Variants in OR6J1 observed in about 807,000 individuals in gnomAD.
OR6J1 encodes olfactory receptor 6J1.
For synonymous variants in OR6J1, 109 were observed against 70.0 expected (o/e 1.56, Z -2.78); for missense variants, 304 against 166.8 (o/e 1.82, Z -4.53).
At chr14:22,643,764 C>CACAGAGAGAGAGAGAGAGAG (rs1466950724) in intron 1 of OR6J1, among the ~76,000 whole-genome samples, 7 of 37,694 alleles carry the variant, frequency 1.9e-4, no homozygotes, top group Admixed American at 1.2e-3. Context: ...CACACACACA[C>CACAGAGAGAGAGAGAGAGAG]AGAGAGAGAG....
At chr14:22,641,572 A>G (rs2037653343) in intron 1 of OR6J1, among the ~76,000 whole-genome samples, 1 of 147,708 alleles carries the variant, frequency 6.8e-6, no homozygotes, top group Non-Finnish European at 1.5e-5. Context: ...AAGAAAAAAG[A>G]AAGAAGGAAA....
At chr14:22,636,746 C>T (rs2037589893) in intron 1 of OR6J1, among the ~76,000 whole-genome samples, 2 of 117,050 alleles carry the variant, frequency 1.7e-5, no homozygotes, top group African/African-American at 9.6e-5. Flanking sequence ...AGTGCAGTGG[C>T]GTGATCTCGG....
chr14:22,643,481 T>C (rs1435823325), intron 1 of OR6J1, among the ~76,000 whole-genome samples: 2 of 149,846 alleles, frequency 1.3e-5, no homozygotes, highest in African/African-American at 4.9e-5. Flanking sequence ...TTTTTTGTAG[T>C]GATAGGGGTT....
rs1480570131 is a variant in OR6J1 at position 22,638,515 on chromosome 14, C to A, written c.-27-3677G>T. ...TAAGTACCCAGGGACACAAACACTG[C>A]GGAAGGCCGCAGGGTCCTCTGCCTA... On this transcript the variant is annotated intron_variant, in intron 1 of 1. Transcript: ENST00000540461. 1.4e-4 allele frequency among the ~76,000 whole-genome samples: 13 copies of A among 92,740 alleles called. No individual in the cohort carries two copies. In the South Asian group the frequency reaches 3.6e-3, roughly 26 times the overall value. 60.8% of individuals were successfully genotyped at this position (92,740 alleles called of 152,430 possible). A position where few individuals can be genotyped will look rare whatever the true frequency, so the allele number is the denominator to read the frequency against.
In OR6J1 at chr14:22,641,429, AAG is replaced by A. The variant is rs1451366502; in HGVS notation, c.-28+2667_-28+2668del. 2.1e-4 allele frequency among the ~76,000 whole-genome samples: 18 copies of A among 84,640 alleles called. 1 individual carries two copies. The South Asian group carries it at 7.3e-3, about 34-fold the overall frequency. 55.5% of individuals were successfully genotyped at this position (84,640 alleles called of 152,430 possible). On this transcript the variant is annotated intron_variant, in intron 1 of 1. Transcript: ENST00000540461. ...AGGATGGAAGGAAGGAAGAGAAAGA[AAG>A]AAAGAATGAAAGAGAGAGAAAGAAA...
chr14:22,643,764 C>CACACAGAGAG (rs1466950724), intron 1 of OR6J1, among the ~76,000 whole-genome samples: 143 of 37,672 alleles, frequency 3.8e-3, no homozygotes, highest in South Asian at 7.0e-3. Flanking sequence ...CACACACACA[C>CACACAGAGAG]AGAGAGAGAG....
intron 1 of OR6J1, among the ~76,000 whole-genome samples, chr14:22,636,226 C>G (rs1204386529): frequency 1.4e-3 from 1 of 728 alleles, no homozygotes; most frequent in Non-Finnish European, 2.9e-3. Flanking sequence ...GACACTAGCG[C>G]CCTCTCCCTC....
chr14:22,638,304 AC>A, intron 1 of OR6J1, among the ~76,000 whole-genome samples: 1 of 54,104 alleles, frequency 1.8e-5, no homozygotes, highest in East Asian at 4.0e-4. Flanking sequence ...TTTGTTCTGT[AC>A]TAAGAAAAAT....
At chr14:22,639,767 A>G (rs1311408926) in intron 1 of OR6J1, among the ~76,000 whole-genome samples, 5 of 120,954 alleles carry the variant, frequency 4.1e-5, no homozygotes, top group East Asian at 4.3e-4. Flanking sequence ...GTGCTTTGTT[A>G]AACAGATGCT....
intron 1 of OR6J1, among the ~76,000 whole-genome samples, chr14:22,641,217 GAA>G (rs1343261576): frequency 5.9e-4 from 11 of 18,568 alleles, no homozygotes; most frequent in African/African-American, 1.8e-3. Context: ...AGATAAGAAA[GAA>G]AGAAAGAAAG....
chr14:22,633,415 G>C lies in OR6J1; in HGVS notation c.*353C>G. On this transcript the variant is annotated 3_prime_UTR_variant, in exon 2 of 2. Transcript: ENST00000540461. ...GAGGATGGAAAGAAAGAGGGTCCGT[G>C]CAGAGAAGTTCAGGAAGGACTTCGT... 1 of 215,852 alleles carries C rather than the reference G, an allele frequency of 4.6e-6. No individual in the cohort carries two copies. The highest frequency in any genetic ancestry group is 5.1e-5 in the Admixed American group (1 of 19,700). The allele number at this position is 215,852 out of a possible 1,614,324, so 13.4% of individuals were successfully genotyped here.
chr14:22,636,982 C>A (rs1424584913), intron 1 of OR6J1, among the ~76,000 whole-genome samples: 2 of 126,892 alleles, frequency 1.6e-5, no homozygotes, highest in African/African-American at 7.9e-5. Context: ...CGCCTCTTCC[C>A]GGCCGCCTTC....
chr14:22,633,412 C>T lies in OR6J1; in HGVS notation c.*356G>A, dbSNP rs1681594. 0.22 allele frequency: 43,719 copies of T among 197,436 alleles called. 5,281 individuals carry two copies. Among genetic ancestry groups the T allele is most frequent in the African/African-American group, 0.32 (13,757 of 42,804 alleles). 12.2% of individuals were successfully genotyped at this position (197,436 alleles called of 1,614,324 possible). A position where few individuals can be genotyped will look rare whatever the true frequency, so the allele number is the denominator to read the frequency against. On this transcript the variant is annotated 3_prime_UTR_variant, in exon 2 of 2. Transcript: ENST00000540461. Reference sequence around the variant, plus strand: ...GCAGAGGATGGAAAGAAAGAGGGTCCGTGCAGAGAAGTTCAGGAAGGACTT... The same window carrying T: ...GCAGAGGATGGAAAGAAAGAGGGTCTGTGCAGAGAAGTTCAGGAAGGACTT...
intron 1 of OR6J1, among the ~76,000 whole-genome samples, chr14:22,636,629 T>C (rs2037588825): frequency 1.7e-5 from 2 of 116,198 alleles, no homozygotes. Flanking sequence ...TTGGCCGGGC[T>C]GGTCTCCAGC....
intron 1 of OR6J1, among the ~76,000 whole-genome samples, chr14:22,635,738 C>T (rs1195868885): frequency 6.6e-6 from 1 of 152,144 alleles, no homozygotes; most frequent in Non-Finnish European, 1.5e-5. Flanking sequence ...GCTGCTTGTC[C>T]ATAGGGGAAA....
In OR6J1 at chr14:22,634,750, T is replaced by G. The variant is rs1412883324; in HGVS notation, c.62A>C (p.Glu21Ala). ...GAGCACCAGGAGCAGCAGCTCCACC[T>G]CCCTGCTCAGGGAAAACCCCAGCAG... ...FVLLGFSLSR[E>A]VELLLLVLLL... Residue 21 changes from glutamate (E) to alanine (A), a missense_variant, in exon 2 of 2, where the codon GAG becomes GCG. Coordinates refer to ENST00000540461, the MANE Select transcript of OR6J1 (RefSeq NM_001348233.2). 2 of 705,468 alleles carry G rather than the reference T, an allele frequency of 2.8e-6. No individual in the cohort carries two copies. Among genetic ancestry groups the G allele is most frequent in the African/African-American group, 3.5e-5 (2 of 57,272 alleles). 43.7% of individuals were successfully genotyped at this position (705,468 alleles called of 1,614,324 possible). A position where few individuals can be genotyped will look rare whatever the true frequency, so the allele number is the denominator to read the frequency against.
intron 1 of OR6J1, among the ~76,000 whole-genome samples, chr14:22,639,244 G>GC (rs1161852713): frequency 4.0e-5 from 5 of 125,084 alleles, no homozygotes; most frequent in African/African-American, 1.6e-4. Flanking sequence ...TGGGGGGTCA[G>GC]CCCCCCGCCA....
In OR6J1 at chr14:22,639,970, A is replaced by G. The variant is rs1273644969; in HGVS notation, c.-28+4128T>C. Among the ~76,000 whole-genome samples the G allele has an allele frequency of 2.0e-4, 25 of 123,868 alleles. 6 individuals carry two copies. The highest frequency in any genetic ancestry group is 3.9e-4 in the Non-Finnish European group (22 of 56,378). The allele number at this position is 123,868 out of a possible 152,430, so 81.3% of individuals were successfully genotyped here. A position where few individuals can be genotyped will look rare whatever the true frequency, so the allele number is the denominator to read the frequency against. On this transcript the variant is annotated intron_variant, in intron 1 of 1. Coordinates refer to ENST00000540461, the MANE Select transcript of OR6J1 (RefSeq NM_001348233.2). ...AATCCTCCTCTGTGAGAAACACCCA[A>G]GAATTATCAATAAAAAAATAAATTT...
intron 1 of OR6J1, among the ~76,000 whole-genome samples, chr14:22,637,871 G>C (rs1207725469): frequency 3.0e-5 from 1 of 33,218 alleles, no homozygotes; most frequent in East Asian, 1.4e-3. Context: ...GGGGGGGTGG[G>C]GTCGGCCAGC....
Sources: allele counts gnomAD v4.1 joint callset (sites outside exome capture counted in the v4.1 genomes callset), GRCh38; gene constraint gnomAD v4.1.1; transcripts MANE v1.5; gene names NCBI Gene and HGNC (gene_info 2026-07-23, HGNC 2026-07-21).